RBFOX3: variants seen among roughly 807,000 people sequenced by gnomAD.
RBFOX3 encodes the protein RNA binding protein fox-1 homolog 3.
RBFOX3 carries 17 observed loss-of-function variants against 48.7 expected under a neutral mutation model. That is an observed-to-expected ratio of 0.35 (90% CI 0.24 to 0.52). The LOEUF is 0.52. RBFOX3 is among the 20% of genes least tolerant of loss of function. The pLI, the probability that RBFOX3 is intolerant of heterozygous loss-of-function variation, is 0.94. For missense variants in RBFOX3, 382 were observed against 497.5 expected (o/e 0.77, Z 2.21); for synonymous variants, 212 against 209.5 (o/e 1.01, Z -0.10).
intron 1 of RBFOX3, among the ~76,000 whole-genome samples, chr17:79,499,726 C>T (rs1157194295): frequency 1.3e-5 from 2 of 152,194 alleles, no homozygotes; most frequent in African/African-American, 2.4e-5. Flanking sequence ...ATTGGGTTAC[C>T]ATAAGAAACA....
intron 2 of RBFOX3, among the ~76,000 whole-genome samples, chr17:79,417,529 G>A (rs537662847): frequency 2.6e-5 from 4 of 152,330 alleles, no homozygotes; most frequent in East Asian, 1.9e-4. Flanking sequence ...TGGGCTGCCC[G>A]ACACCCATAA....
At chr17:79,219,203 G>A (rs1312070547) in intron 4 of RBFOX3, among the ~76,000 whole-genome samples, 1 of 152,218 alleles carries the variant, frequency 6.6e-6, no homozygotes, top group African/African-American at 2.4e-5. Context: ...AGGCTGGGAA[G>A]GGGTACCCGG....
At chr17:79,453,883 G>C (rs1418948281) in intron 2 of RBFOX3, among the ~76,000 whole-genome samples, 4 of 152,126 alleles carry the variant, frequency 2.6e-5, no homozygotes, top group Non-Finnish European at 4.4e-5. Flanking sequence ...AGAGGAAAGG[G>C]GGCTGACTCC....
chr17:79,176,875 G>A (rs970145371), intron 4 of RBFOX3, among the ~76,000 whole-genome samples: 1 of 152,232 alleles, frequency 6.6e-6, no homozygotes, highest in Admixed American at 6.5e-5. Flanking sequence ...CATAAAGGCA[G>A]AAGAAAAAGG....
Position 79,480,336 on chromosome 17 carries a change from T to C in RBFOX3, c.-175+2118A>G, listed in dbSNP as rs1280039818. Among the ~76,000 whole-genome samples the C allele has an allele frequency of 6.6e-6, 1 of 152,122 alleles. No individual in the cohort carries two copies. Among genetic ancestry groups the C allele is most frequent in the Admixed American group, 6.5e-5 (1 of 15,280 alleles). On this transcript the variant is annotated intron_variant, in intron 2 of 14. Coordinates refer to ENST00000693108, the MANE Select transcript of RBFOX3 (RefSeq NM_001350451.2). The surrounding 1 kb of genome is among the most constrained non-coding windows in gnomAD (Gnocchi z 4.8). ...CACCACTCCTCTCCTCCCGGGTCCATGGCAGAGCCAGTGCTCCCAGGGATA... is the reference window on the plus strand; with the variant it reads ...CACCACTCCTCTCCTCCCGGGTCCACGGCAGAGCCAGTGCTCCCAGGGATA...
At chr17:79,554,496 C>T (rs1041683683) in intron 1 of RBFOX3, among the ~76,000 whole-genome samples, 1 of 152,080 alleles carries the variant, frequency 6.6e-6, no homozygotes, top group African/African-American at 2.4e-5. Flanking sequence ...CTCACAGTCA[C>T]CCCCGACCTG....
At chr17:79,641,256 C>A in the RBFOX3 span, among the ~76,000 whole-genome samples, 1 of 152,076 alleles carries the variant, frequency 6.6e-6, no homozygotes, top group Non-Finnish European at 1.5e-5. Flanking sequence ...TTAGATATTC[C>A]CTCACACTTG....
chr17:79,494,584 T>C (rs1200808745), intron 1 of RBFOX3, among the ~76,000 whole-genome samples: 1 of 151,932 alleles, frequency 6.6e-6, no homozygotes, highest in African/African-American at 2.4e-5. Flanking sequence ...AGGGTTGGAG[T>C]GGGCTGGGGA....
chr17:79,218,285 A>G (rs2059309662), intron 4 of RBFOX3, among the ~76,000 whole-genome samples: 1 of 151,814 alleles, frequency 6.6e-6, no homozygotes, highest in South Asian at 2.1e-4. Context: ...GGTGGGTGAC[A>G]TGGCTCAGGG....
intron 2 of RBFOX3, among the ~76,000 whole-genome samples, chr17:79,461,653 C>A (rs1208373877): frequency 1.3e-5 from 2 of 152,212 alleles, no homozygotes; most frequent in African/African-American, 4.8e-5. Flanking sequence ...TCAGATATAC[C>A]CAGAACCTCA....
chr17:79,612,928 T>A (rs936211406), upstream of RBFOX3, among the ~76,000 whole-genome samples: 1 of 152,170 alleles, frequency 6.6e-6, no homozygotes, highest in South Asian at 2.1e-4. Context: ...TTCTTCTCCC[T>A]GGGGAGCCTT....
At chr17:79,353,260 T>A (rs1469409548) in intron 2 of RBFOX3, among the ~76,000 whole-genome samples, 4 of 152,264 alleles carry the variant, frequency 2.6e-5, no homozygotes, top group African/African-American at 9.6e-5. Context: ...GTCTCCTTCA[T>A]CCCAGGGTGG....
intron 4 of RBFOX3, among the ~76,000 whole-genome samples, chr17:79,150,848 G>A (rs1013794541): frequency 6.6e-6 from 1 of 152,298 alleles, no homozygotes. Context: ...ACCTCAGCTC[G>A]AGCCTCAGTG....
intron 1 of RBFOX3, among the ~76,000 whole-genome samples, chr17:79,490,473 T>C (rs2080328262): frequency 6.6e-6 from 1 of 152,180 alleles, no homozygotes; most frequent in Admixed American, 6.5e-5. Flanking sequence ...AGGCTGATCC[T>C]AGTGGTAGGG....
intron 2 of RBFOX3, among the ~76,000 whole-genome samples, chr17:79,310,102 G>A (rs572658797): frequency 1.3e-5 from 2 of 152,178 alleles, no homozygotes; most frequent in African/African-American, 4.8e-5. Flanking sequence ...TGAGGAATGA[G>A]GGATGAATGT....
intron 2 of RBFOX3, among the ~76,000 whole-genome samples, chr17:79,461,024 A>G (rs1555748459): frequency 4.6e-5 from 7 of 152,162 alleles, no homozygotes. Flanking sequence ...TGCATGCTTC[A>G]AAACCCACTC....
chr17:79,102,128 C>T (rs1243531386), intron 8 of RBFOX3, among the ~76,000 whole-genome samples: 1 of 152,224 alleles, frequency 6.6e-6, no homozygotes, highest in African/African-American at 2.4e-5. Flanking sequence ...GTACAGAGGT[C>T]TCTGATGGGG....
chr17:79,501,428 G>C (rs2082369848), intron 1 of RBFOX3, among the ~76,000 whole-genome samples: 1 of 152,224 alleles, frequency 6.6e-6, no homozygotes, highest in Non-Finnish European at 1.5e-5. Context: ...CCAAAGAAGA[G>C]ATGTCCAACA....
chr17:79,279,316 C>G (rs927360307), intron 3 of RBFOX3, among the ~76,000 whole-genome samples: 1 of 152,186 alleles, frequency 6.6e-6, no homozygotes, highest in Non-Finnish European at 1.5e-5. Context: ...TTTATACTGA[C>G]AGGGTCCCAC....
Sources: gnomAD v4.1 joint callset for allele counts (sites outside exome capture counted in the v4.1 genomes callset) on GRCh38, gnomAD v4.1.1 for gene constraint, Gnocchi (gnomAD v3.1) non-coding constraint, MANE v1.5 for transcripts, NCBI Gene and HGNC (gene_info 2026-07-23, HGNC 2026-07-21) for gene names.